FAM135B: variants seen among roughly 807,000 people sequenced by gnomAD.
FAM135B encodes the protein protein FAM135B.
A neutral mutation model predicts 127.7 loss-of-function variants in FAM135B; 43 were observed. The observed-to-expected ratio is 0.34, with a 90% CI of 0.26 to 0.43. The LOEUF (loss-of-function observed/expected upper bound fraction) is 0.43, where lower values mean the gene tolerates loss of function less well. Ranked by LOEUF, FAM135B falls within the 20% of genes least tolerant of loss-of-function variation. The pLI is 1.00. For missense variants in FAM135B, 1,558 were observed against 1,725.6 expected, an observed-to-expected ratio of 0.90 and a Z score of 1.72; for synonymous variants, 670 against 665.1, an observed-to-expected ratio of 1.01 and a Z score of -0.11.
At chr8:138,171,738 G>T (rs567820191) in intron 11 of FAM135B, among the ~76,000 whole-genome samples, 1 of 152,110 alleles carries the variant, frequency 6.6e-6, no homozygotes, top group Non-Finnish European at 1.5e-5. Context: ...AAGACCAATA[G>T]GCCAAGAAGG....
chr8:138,211,078 C>T (rs546214074), intron 7 of FAM135B, among the ~76,000 whole-genome samples: 4 of 152,114 alleles, frequency 2.6e-5, no homozygotes, highest in Non-Finnish European at 2.9e-5. Flanking sequence ...AAAGATGCTC[C>T]GTGCTAATGT....
At chr8:138,379,150 CAT>C (rs1272817773) in intron 1 of FAM135B, among the ~76,000 whole-genome samples, 1 of 152,140 alleles carries the variant, frequency 6.6e-6, no homozygotes, top group Admixed American at 6.5e-5. Flanking sequence ...TACATAAGCA[CAT>C]ACAACAAGGA....
intron 12 of FAM135B, among the ~76,000 whole-genome samples, chr8:138,155,546 G>A (rs1258220418): frequency 1.3e-5 from 2 of 152,104 alleles, no homozygotes; most frequent in East Asian, 1.9e-4. Context: ...GTATTCAGGA[G>A]ACCCATCTCA....
intron 3 of FAM135B, among the ~76,000 whole-genome samples, chr8:138,293,308 A>G (rs1032689616): frequency 4.6e-5 from 7 of 152,162 alleles, no homozygotes; most frequent in African/African-American, 1.7e-4. Context: ...CTTGAAGACA[A>G]CCTAGGAAAA....
intron 1 of FAM135B, among the ~76,000 whole-genome samples, chr8:138,447,010 T>A (rs1329585216): frequency 6.6e-6 from 1 of 152,132 alleles, no homozygotes; most frequent in Non-Finnish European, 1.5e-5. Flanking sequence ...GAACAGACAC[T>A]TCTCTAAAGA....
chr8:138,241,228 C>T lies in FAM135B; in HGVS notation c.669+1714G>A, dbSNP rs1487028736. 6.6e-6 allele frequency among the ~76,000 whole-genome samples: 1 copy of T among 152,194 alleles called. No individual in the cohort carries two copies. Among genetic ancestry groups the T allele is most frequent in the Non-Finnish European group, 1.5e-5 (1 of 68,040 alleles). On this transcript the variant is annotated intron_variant, in intron 7 of 19. Coordinates refer to ENST00000395297, the MANE Select transcript of FAM135B (RefSeq NM_015912.4). This position sits in a 1 kb window ranked among gnomAD's most constrained non-coding sequence, Gnocchi z 4.8. Reference sequence around the variant, plus strand: ...GCTACAGGGCTCACTGCTTTCCACTCGCTTTCTTACTCATTCACTTCCTAT... The same window carrying T: ...GCTACAGGGCTCACTGCTTTCCACTTGCTTTCTTACTCATTCACTTCCTAT...
chr8:138,159,972 T>C (rs555461986), intron 12 of FAM135B, among the ~76,000 whole-genome samples: 1 of 152,282 alleles, frequency 6.6e-6, no homozygotes, highest in Admixed American at 6.5e-5. Context: ...ATCATGTGAC[T>C]AGAGAGTTAA....
intron 3 of FAM135B, among the ~76,000 whole-genome samples, chr8:138,275,600 T>G (rs771088186): frequency 2.0e-5 from 3 of 152,022 alleles, no homozygotes; most frequent in Non-Finnish European, 4.4e-5. Flanking sequence ...AAAGCTGAGG[T>G]TGGAAGATCT....
intron 3 of FAM135B, among the ~76,000 whole-genome samples, chr8:138,299,681 T>A (rs552583235): frequency 1.8e-3 from 267 of 152,316 alleles, no homozygotes; most frequent in African/African-American, 6.2e-3. Context: ...CTCAAAATGA[T>A]AGTCCATTGG....
chr8:138,472,275 C>T (rs1837724437), intron 1 of FAM135B, among the ~76,000 whole-genome samples: 1 of 151,986 alleles, frequency 6.6e-6, no homozygotes, highest in Non-Finnish European at 1.5e-5. Context: ...AAGAGGTTGA[C>T]CATTCTGAAG....
intron 2 of FAM135B, among the ~76,000 whole-genome samples, chr8:138,357,319 A>G (rs1830152402): frequency 6.6e-6 from 1 of 152,176 alleles, no homozygotes; most frequent in Admixed American, 6.6e-5. Context: ...TAAATAAATT[A>G]TAATAGAATC....
chr8:138,142,470 A>G (rs1004393765), intron 16 of FAM135B, among the ~76,000 whole-genome samples: 4 of 151,428 alleles, frequency 2.6e-5, no homozygotes, highest in African/African-American at 9.7e-5. Flanking sequence ...CTCCCAGCTA[A>G]TATTTTTGTG....
At chr8:138,427,189 G>A (rs1182411847) in intron 1 of FAM135B, among the ~76,000 whole-genome samples, 3 of 151,538 alleles carry the variant, frequency 2.0e-5, no homozygotes, top group African/African-American at 7.3e-5. Context: ...ACAAAAGGGA[G>A]TTTTGGGGGT....
At position 138,169,159 on chromosome 8, in the gene FAM135B, ATATC is replaced by A. The variant is rs545608156; in HGVS notation, c.1104-1114_1104-1111del. ...ACATATTAACTATGATTTCATATAC[ATATC>A]TATTTAATATACATATTAAATATGT... is the stretch of plus-strand genomic sequence containing the variant. On this transcript the variant is annotated intron_variant, in intron 11 of 19. Transcript: ENST00000395297. 2.6e-5 allele frequency among the ~76,000 whole-genome samples: 4 copies of A among 152,184 alleles called. No homozygotes were observed. In the East Asian group the frequency reaches 7.7e-4, roughly 29 times the overall value.
In FAM135B at chr8:138,403,307, T is replaced by C. The variant is rs539489678; in HGVS notation, c.-19-35305A>G. On this transcript the variant is annotated intron_variant, in intron 1 of 19. Transcript: ENST00000395297. ...AAAGCCCTCTCACCTTCCATTCCCA[T>C]GCTTTTACGTGAGAGAACCAGCCCT... Among the ~76,000 whole-genome samples the C allele has an allele frequency of 3.3e-5, 5 of 152,174 alleles. No individual in the cohort carries two copies. In the South Asian group the frequency reaches 1.0e-3, roughly 32 times the overall value.
At chr8:138,471,783 A>G (rs921021437) in intron 1 of FAM135B, among the ~76,000 whole-genome samples, 19 of 152,220 alleles carry the variant, frequency 1.2e-4, no homozygotes, top group Admixed American at 1.0e-3. Flanking sequence ...CAAAGTATAT[A>G]CCAGAGAGGA....
intron 1 of FAM135B, among the ~76,000 whole-genome samples, chr8:138,412,508 G>A (rs11166822): frequency 0.28 from 42,731 of 152,068 alleles, 6,348 homozygotes; most frequent in Non-Finnish European, 0.32. Flanking sequence ...ACCTGGCTCC[G>A]AATCCAGTTA....
intron 1 of FAM135B, among the ~76,000 whole-genome samples, chr8:138,410,155 G>T (rs1042499159): frequency 2.6e-5 from 4 of 152,144 alleles, no homozygotes; most frequent in Non-Finnish European, 5.9e-5. Context: ...TTTTCTAAGT[G>T]GGGCTTACAT....
At chr8:138,402,783 G>A (rs1185923028) in intron 1 of FAM135B, among the ~76,000 whole-genome samples, 2 of 152,174 alleles carry the variant, frequency 1.3e-5, no homozygotes, top group African/African-American at 4.8e-5. Context: ...TAGAATTTGT[G>A]AGGAAATGAG....
Sources: gnomAD v4.1 joint callset for allele counts (sites outside exome capture counted in the v4.1 genomes callset) on GRCh38, gnomAD v4.1.1 for gene constraint, Gnocchi (gnomAD v3.1) non-coding constraint, MANE v1.5 for transcripts, NCBI Gene and HGNC (gene_info 2026-07-23, HGNC 2026-07-21) for gene names.